IL12RB1: variants seen among roughly 807,000 people sequenced by gnomAD.
IL12RB1 encodes the protein interleukin-12 receptor subunit beta-1.
In IL12RB1, 64 loss-of-function variants were observed where a neutral mutation model predicts 94.4. The observed-to-expected ratio is 0.68, with a 90% CI of 0.55 to 0.83. The LOEUF (loss-of-function observed/expected upper bound fraction) is 0.83. Ranked by LOEUF, IL12RB1 falls within the 40% of genes least tolerant of loss-of-function variation. The pLI is 0.00. For missense variants in IL12RB1, 814 were observed against 855.6 expected (o/e 0.95, Z 0.61); for synonymous variants, 362 against 355.5 (o/e 1.02, Z -0.21).
At chr19:18,097,788 G>T in intron 1 of IL12RB1, 6 of 1,218,348 alleles carry the variant, frequency 4.9e-6, no homozygotes, top group Non-Finnish European at 6.1e-6. Flanking sequence ...GCGGACTCCC[G>T]GGCCATGGAC....
chr19:18,091,403 C>T (rs1207330500), upstream of IL12RB1: 1 of 152,242 alleles, frequency 6.6e-6, no homozygotes, highest in Non-Finnish European at 1.5e-5. Context: ...GTCACGAGGG[C>T]CCCAGAAAAC....
At chr19:18,059,753 G>A (rs536977912) in intron 16 of IL12RB1, 140 bp from the exon 17 acceptor site, 17 of 732,692 alleles carry the variant, frequency 2.3e-5, no homozygotes, top group South Asian at 1.9e-4. Context: ...GTCGCTCTTC[G>A]TGTCTGTAAG....
At chr19:18,069,778 G>C in intron 9 of IL12RB1, 65 bp from the exon 10 acceptor site, 2 of 1,180,140 alleles carry the variant, frequency 1.7e-6, no homozygotes, top group Non-Finnish European at 2.5e-6. Context: ...CCCTTCTCTG[G>C]CTCCTGCAGC....
chr19:18,081,169 C>T (rs2035873605), intron 3 of IL12RB1, among the ~76,000 whole-genome samples, 168 bp from the exon 4 acceptor site: 1 of 152,020 alleles, frequency 6.6e-6, no homozygotes, highest in Non-Finnish European at 1.5e-5. Context: ...AATCTCGGCT[C>T]ACTGCAACCT....
chr19:18,087,132 C>A, upstream of IL12RB1: 1 of 473,568 alleles, frequency 2.1e-6, no homozygotes, highest in Non-Finnish European at 3.8e-6. Context: ...GAACTGAACA[C>A]CCAGATGCCA....
At chr19:18,075,627 C>T (rs1377099161) in intron 7 of IL12RB1, 122 bp downstream of exon 7, 1 of 865,936 alleles carries the variant, frequency 1.2e-6, no homozygotes, top group Non-Finnish European at 2.0e-6. Context: ...AAACCACTGG[C>T]CTCAAGTGAT....
chr19:18,096,971 C>T (rs2036995796), intron 1 of IL12RB1, among the ~76,000 whole-genome samples: 1 of 152,002 alleles, frequency 6.6e-6, no homozygotes, highest in Admixed American at 6.6e-5. Flanking sequence ...ATAGTGAGAT[C>T]CCCGTCTCTA....
Position 18,059,883 on chromosome 19 carries a change from G to A in IL12RB1, c.1983+11C>T. Reference sequence around the variant, plus strand: ...GCACCCCTGACCGTCTGGCCCACTGGGCCCCAGGACCTTGGCCTTGCACCT... The same window carrying A: ...GCACCCCTGACCGTCTGGCCCACTGAGCCCCAGGACCTTGGCCTTGCACCT... On this transcript the variant is annotated intron_variant, in intron 16 of 16. Coordinates refer to ENST00000593993, the MANE Select transcript of IL12RB1 (RefSeq NM_005535.3). 1.3e-6 allele frequency: 2 copies of A among 1,544,322 alleles called. No individual in the cohort carries two copies. Among genetic ancestry groups the A allele is most frequent in the East Asian group, 4.8e-5 (2 of 41,850 alleles).
intron 1 of IL12RB1, among the ~76,000 whole-genome samples, chr19:18,094,768 C>T (rs559934710): frequency 5.9e-5 from 9 of 152,254 alleles, no homozygotes; most frequent in African/African-American, 2.2e-4. Context: ...CGCCCTCCAG[C>T]CTGGGCGAAA....
At chr19:18,061,763 T>C (rs2034144329) in intron 14 of IL12RB1, among the ~76,000 whole-genome samples, 1 of 151,180 alleles carries the variant, frequency 6.6e-6, no homozygotes, top group East Asian at 2.0e-4. Context: ...CTTGGGAGGC[T>C]GAGACAGGAG....
intron 1 of IL12RB1, among the ~76,000 whole-genome samples, chr19:18,095,956 G>T (rs1470780803): frequency 2.0e-5 from 3 of 152,128 alleles, no homozygotes; most frequent in African/African-American, 7.2e-5. Context: ...AGGCACAGTG[G>T]CTCATGCCTG....
upstream of IL12RB1, among the ~76,000 whole-genome samples, chr19:18,090,277 C>T (rs1046898046): frequency 1.3e-5 from 2 of 151,834 alleles, no homozygotes; most frequent in Non-Finnish European, 2.9e-5. Context: ...CCAGGGAGGT[C>T]GAGACTGCAG....
intron 1 of IL12RB1, among the ~76,000 whole-genome samples, chr19:18,084,274 C>CGTATT (rs1360107774): frequency 1.4e-5 from 2 of 143,174 alleles, no homozygotes; most frequent in Non-Finnish European, 3.1e-5. Context: ...CATCCACCCC[C>CGTATT]CATCCATCTA....
chr19:18,096,340 C>T (rs541131903), intron 1 of IL12RB1, among the ~76,000 whole-genome samples: 8 of 152,184 alleles, frequency 5.3e-5, no homozygotes, highest in Admixed American at 4.6e-4. Context: ...GAACAATTAT[C>T]TTCAAATATC....
chr19:18,087,490 G>A (rs192100577), upstream of IL12RB1, among the ~76,000 whole-genome samples: 1,115 of 151,982 alleles, frequency 7.3e-3, 11 homozygotes, highest in Non-Finnish European at 0.011. Context: ...GATGACAGGC[G>A]TGAGCTACCG....
At chr19:18,081,424 C>G (rs1246699017) in intron 3 of IL12RB1, among the ~76,000 whole-genome samples, 1 of 151,782 alleles carries the variant, frequency 6.6e-6, no homozygotes, top group Non-Finnish European at 1.5e-5. Flanking sequence ...CCCTTGTACA[C>G]CTCCTCCCCC....
At chr19:18,082,861 T>C (rs965204279) in intron 2 of IL12RB1, among the ~76,000 whole-genome samples, 6 of 152,022 alleles carry the variant, frequency 3.9e-5, no homozygotes, top group Non-Finnish European at 7.4e-5. Context: ...TGGCTCACCA[T>C]CACCTGAGCT....
In IL12RB1 at chr19:18,066,527, C is replaced by T. The variant is rs2146169669; in HGVS notation, c.1483+15G>A. 1 of 1,599,884 alleles carries T rather than the reference C, an allele frequency of 6.3e-7. No homozygotes were observed. The highest frequency in any genetic ancestry group is 1.7e-5 in the Admixed American group (1 of 59,980). The stretch of plus-strand genomic sequence containing the variant: ...TCCCTTCCTCCCCAAGCCAGGTCTG[C>T]ACTGCCTCACGTACCTGACACCTGT... On this transcript the variant is annotated intron_variant, in intron 12 of 16. Coordinates refer to ENST00000593993, the MANE Select transcript of IL12RB1 (RefSeq NM_005535.3).
At chr19:18,097,572 C>T (rs918593167) in intron 1 of IL12RB1, among the ~76,000 whole-genome samples, 13 of 152,344 alleles carry the variant, frequency 8.5e-5, no homozygotes, top group Admixed American at 5.2e-4. Flanking sequence ...AACGATGCTG[C>T]CTTACTTCTG....
Sources: allele counts gnomAD v4.1 joint callset (sites outside exome capture counted in the v4.1 genomes callset), GRCh38; gene constraint gnomAD v4.1.1; transcripts MANE v1.5; gene names NCBI Gene and HGNC (gene_info 2026-07-23, HGNC 2026-07-21).